RORA: variants seen among roughly 807,000 people sequenced by gnomAD.
The protein encoded by RORA is RAR related orphan receptor A.
Under a neutral mutation model 69.5 loss-of-function variants are expected in RORA, and 7 were observed. The ratio of observed to expected loss-of-function variants is 0.10; its 90% confidence interval spans 0.06 to 0.19. The LOEUF is 0.19. Among genes scored for constraint, RORA ranks in the 10% least tolerant of loss-of-function variants. The pLI is 1.00. For synonymous variants in RORA, 261 were observed against 240.8 expected, an observed-to-expected ratio of 1.08 and a Z score of -0.78; for missense variants, 457 against 663.0, an observed-to-expected ratio of 0.69 and a Z score of 3.41.
chr15:60,499,795 T>C (rs970891058), intron 10 of RORA, 97 bp downstream of exon 10: 4 of 666,054 alleles, frequency 6.0e-6, no homozygotes, highest in African/African-American at 3.7e-5. Context: ...CTGATACTTT[T>C]GGGAATTGGT....
chr15:60,540,784 A>G (rs1170828690), intron 2 of RORA, among the ~76,000 whole-genome samples: 2 of 152,236 alleles, frequency 1.3e-5, no homozygotes. Context: ...AATAAACTGG[A>G]TTCATGGTAA....
chr15:60,948,701 C>A (rs1892982308), intron 1 of RORA, among the ~76,000 whole-genome samples: 1 of 152,168 alleles, frequency 6.6e-6, no homozygotes, highest in African/African-American at 2.4e-5. Flanking sequence ...AGGGAAAGAA[C>A]AAGGTCACAC....
At chr15:60,607,038 C>T (rs1196366877) in intron 2 of RORA, among the ~76,000 whole-genome samples, 1 of 151,986 alleles carries the variant, frequency 6.6e-6, no homozygotes. Context: ...TTCCAGTATA[C>T]CGGAGATATT....
rs1426019267 is a variant in RORA, at chr15:60,711,660, C to T, written c.167-32974G>A. Among the ~76,000 whole-genome samples, 9 of 152,278 alleles carry T rather than the reference C, an allele frequency of 5.9e-5. No homozygotes were observed. The South Asian group carries it at 1.4e-3, about 25-fold the overall frequency. ...CACCCCTAATGGTGGCTAATAAATT[C>T]GATTGCATCTATCCTTCAGTTTTCT... On this transcript the variant is annotated intron_variant, in intron 1 of 10. Coordinates refer to ENST00000335670, the MANE Select transcript of RORA (RefSeq NM_134261.3).
chr15:60,724,578 C>T (rs2071334089), intron 1 of RORA, among the ~76,000 whole-genome samples: 1 of 152,142 alleles, frequency 6.6e-6, no homozygotes, highest in Non-Finnish European at 1.5e-5. Flanking sequence ...GACTTTAGGA[C>T]TCCGATGCTG....
At chr15:60,812,602 A>G (rs1185806077) in intron 1 of RORA, among the ~76,000 whole-genome samples, 1 of 152,246 alleles carries the variant, frequency 6.6e-6, no homozygotes, top group Non-Finnish European at 1.5e-5. Flanking sequence ...GAAAGAGCTC[A>G]GTAGATGTTG....
intron 1 of RORA, among the ~76,000 whole-genome samples, chr15:61,056,021 A>G (rs550195844): frequency 2.0e-5 from 3 of 152,358 alleles, no homozygotes; most frequent in African/African-American, 7.2e-5. Flanking sequence ...ACAACTCTTA[A>G]ATATTCAATT....
intron 1 of RORA, among the ~76,000 whole-genome samples, chr15:61,141,843 C>T (rs1376255090): frequency 1.3e-5 from 2 of 152,196 alleles, no homozygotes; most frequent in Non-Finnish European, 1.5e-5. Flanking sequence ...CAAACTTTCA[C>T]GTGAGCTTGG....
At chr15:60,911,859 G>GTTT (rs35017718) in intron 1 of RORA, among the ~76,000 whole-genome samples, 35,504 of 144,032 alleles carry the variant, frequency 0.25, 5,833 homozygotes, top group East Asian at 0.86. Context: ...ACCTGGCTAA[G>GTTT]TTTTTTTTTT....
chr15:61,117,741 C>T (rs2079063510), intron 1 of RORA, among the ~76,000 whole-genome samples: 1 of 152,176 alleles, frequency 6.6e-6, no homozygotes, highest in East Asian at 1.9e-4. Flanking sequence ...TGTACTGGAG[C>T]TTCTGAAATT....
At position 60,922,090 on chromosome 15, in the gene RORA, T is replaced by C. The variant is rs139464274; in HGVS notation, c.167-243404A>G. The stretch of plus-strand genomic sequence containing the variant: ...CTACAGATATATGCTTGTTTTTGCA[T>C]ATATACATCAGTTTGCATCTCTGAG... On this transcript the variant is annotated intron_variant, in intron 1 of 10. Coordinates refer to ENST00000335670, the MANE Select transcript of RORA (RefSeq NM_134261.3). Among the ~76,000 whole-genome samples the C allele has an allele frequency of 2.7e-4, 41 of 152,316 alleles. 4 individuals carry two copies. Among genetic ancestry groups the C allele is most frequent in the African/African-American group, 9.6e-4 (40 of 41,570 alleles).
chr15:60,889,234 C>T (rs2073785779), intron 1 of RORA, among the ~76,000 whole-genome samples: 1 of 152,186 alleles, frequency 6.6e-6, no homozygotes, highest in South Asian at 2.1e-4. Context: ...CAGCACCACG[C>T]CCAGCACAGA....
At position 60,837,856 on chromosome 15, in the gene RORA, C is replaced by T. The variant is rs138734922; in HGVS notation, c.167-159170G>A. On this transcript the variant is annotated intron_variant, in intron 1 of 10. Transcript: ENST00000335670. ...CACCTCTGGGAGCAATTGAGTTGTC[C>T]GCTTTGCATGCAGGCATTTGGCATG... Among the ~76,000 whole-genome samples the T allele has an allele frequency of 6.4e-3, 982 of 152,264 alleles. 14 individuals are homozygous for T. The highest frequency in any genetic ancestry group is 0.023 in the African/African-American group (936 of 41,544).
chr15:60,979,881 T>C (rs2140442), intron 1 of RORA, among the ~76,000 whole-genome samples: 145,392 of 152,174 alleles, frequency 0.96, 69,481 homozygotes, highest in Middle Eastern at 1. Flanking sequence ...CTCTTTCTCA[T>C]CTAATTGCCC....
intron 2 of RORA, among the ~76,000 whole-genome samples, chr15:60,595,500 G>A (rs1385771959): frequency 1.3e-5 from 2 of 150,900 alleles, no homozygotes; most frequent in Non-Finnish European, 2.9e-5. Flanking sequence ...GGGCGACAGA[G>A]CAATAATCTG....
intron 1 of RORA, among the ~76,000 whole-genome samples, chr15:60,922,328 G>A (rs1283997297): frequency 6.6e-6 from 1 of 152,058 alleles, no homozygotes; most frequent in African/African-American, 2.4e-5. Context: ...TATGCAATTT[G>A]GGTGATAATG....
chr15:60,834,945 G>C (rs2073096983), intron 1 of RORA, among the ~76,000 whole-genome samples: 1 of 151,974 alleles, frequency 6.6e-6, no homozygotes, highest in African/African-American at 2.4e-5. Flanking sequence ...TTTCAGAATA[G>C]GAGTCGACAA....
chr15:61,095,524 T>C (rs2078776154), intron 1 of RORA, among the ~76,000 whole-genome samples: 2 of 152,192 alleles, frequency 1.3e-5, no homozygotes, highest in East Asian at 3.9e-4. Flanking sequence ...GGCTACTTTG[T>C]AAATATCAAC....
chr15:60,834,842 T>C (rs1275811259), intron 1 of RORA, among the ~76,000 whole-genome samples: 3 of 152,036 alleles, frequency 2.0e-5, no homozygotes, highest in Admixed American at 6.5e-5. Context: ...CTTGTTCCCC[T>C]TTTCCCCTCT....
Sources: gnomAD v4.1 joint callset for allele counts (sites outside exome capture counted in the v4.1 genomes callset) on GRCh38, gnomAD v4.1.1 for gene constraint, MANE v1.5 for transcripts, NCBI Gene and HGNC (gene_info 2026-07-23, HGNC 2026-07-21) for gene names.